Variants in FER observed in about 807,000 individuals in gnomAD.
FER encodes FER tyrosine kinase.
FER carries 63 observed loss-of-function variants against 111.0 expected under a neutral mutation model. The observed-to-expected ratio is 0.57, with a 90% CI of 0.46 to 0.70. The LOEUF is 0.70. Ranked by LOEUF, FER falls within the 30% of genes least tolerant of loss-of-function variation. The pLI is 0.00. For missense variants in FER, 914 were observed against 954.0 expected (o/e 0.96, Z 0.55); for synonymous variants, 327 against 313.9 (o/e 1.04, Z -0.44).
At chr5:108,993,587 G>T (rs1160183503) in intron 13 of FER, among the ~76,000 whole-genome samples, 1 of 146,140 alleles carries the variant, frequency 6.8e-6, no homozygotes, top group Non-Finnish European at 1.5e-5. Flanking sequence ...GGGAGAGGGA[G>T]AGGGAGAGGG....
At chr5:109,100,250 T>C (rs776824119) in intron 16 of FER, 146 bp from the exon 17 acceptor site, 3 of 794,802 alleles carry the variant, frequency 3.8e-6, no homozygotes, top group Non-Finnish European at 4.0e-6. Context: ...TTTTCTGTTA[T>C]CCTCACGTCA....
At chr5:108,799,468 T>G (rs2150047678) in intron 3 of FER, among the ~76,000 whole-genome samples, 1 of 152,314 alleles carries the variant, frequency 6.6e-6, no homozygotes, top group African/African-American at 2.4e-5. Flanking sequence ...TGTGATTCTG[T>G]TAAGAACCCA....
At chr5:108,965,831 C>A (rs919883387) in intron 13 of FER, among the ~76,000 whole-genome samples, 1 of 152,140 alleles carries the variant, frequency 6.6e-6, no homozygotes, top group African/African-American at 2.4e-5. Flanking sequence ...CTAGCAGAGA[C>A]TATAAGCGTG....
chr5:108,835,234 T>C (rs1020510241), intron 4 of FER, among the ~76,000 whole-genome samples: 9 of 115,060 alleles, frequency 7.8e-5, no homozygotes, highest in African/African-American at 3.1e-4. Flanking sequence ...CAGGCTGGAG[T>C]GCAGTGGTGT....
intron 3 of FER, among the ~76,000 whole-genome samples, chr5:108,825,389 A>G (rs955686920): frequency 6.6e-6 from 1 of 152,230 alleles, no homozygotes; most frequent in African/African-American, 2.4e-5. Context: ...GAATTCAGCA[A>G]TATTTCTCCC....
intron 16 of FER, among the ~76,000 whole-genome samples, chr5:109,061,690 C>T (rs1774435196): frequency 6.6e-6 from 1 of 152,138 alleles, no homozygotes; most frequent in Non-Finnish European, 1.5e-5. Context: ...TAGCTCGTTT[C>T]AGTAAACAGG....
At chr5:109,020,155 A>G (rs927478912) in intron 13 of FER, among the ~76,000 whole-genome samples, 1 of 151,492 alleles carries the variant, frequency 6.6e-6, no homozygotes, top group Non-Finnish European at 1.5e-5. Flanking sequence ...AAATATTCTT[A>G]AATTGCTTAA....
intron 17 of FER, among the ~76,000 whole-genome samples, chr5:109,161,194 A>G (rs1240510293): frequency 6.6e-6 from 1 of 152,148 alleles, no homozygotes; most frequent in Non-Finnish European, 1.5e-5. Context: ...ATCCTTTTCA[A>G]ATAGTGTCTG....
intron 13 of FER, among the ~76,000 whole-genome samples, chr5:108,993,267 G>A (rs1034869747): frequency 2.6e-5 from 4 of 152,252 alleles, no homozygotes; most frequent in Non-Finnish European, 5.9e-5. Flanking sequence ...CTGAGTGAAC[G>A]AGACTCTGTC....
chr5:108,790,320 ACT>A (rs1368825333), intron 2 of FER, among the ~76,000 whole-genome samples: 1 of 150,774 alleles, frequency 6.6e-6, no homozygotes, highest in African/African-American at 2.4e-5. Context: ...TATTTGGAAA[ACT>A]CTAATTTTTA....
chr5:109,091,004 C>G (rs1778106631), intron 16 of FER, among the ~76,000 whole-genome samples: 1 of 152,036 alleles, frequency 6.6e-6, no homozygotes, highest in South Asian at 2.1e-4. Context: ...AATTTGTAAT[C>G]AAAAGGGGAA....
At chr5:108,930,834 G>C (rs541739124) in intron 10 of FER, among the ~76,000 whole-genome samples, 2 of 151,328 alleles carry the variant, frequency 1.3e-5, no homozygotes, top group African/African-American at 2.4e-5. Flanking sequence ...GACTGGGCTC[G>C]AACTCCTAAC....
chr5:108,897,548 C>A, intron 9 of FER, 111 bp from the exon 10 acceptor site: 1 of 761,960 alleles, frequency 1.3e-6, no homozygotes, highest in Non-Finnish European at 1.9e-6. Flanking sequence ...TTTTATGATT[C>A]TAAAGGGCTC....
At chr5:109,012,850 A>G (rs538181644) in intron 13 of FER, among the ~76,000 whole-genome samples, 3 of 152,312 alleles carry the variant, frequency 2.0e-5, no homozygotes, top group South Asian at 4.1e-4. Context: ...AATATGATGA[A>G]TAATGAAATA....
At chr5:109,157,496 G>T (rs993219195) in intron 17 of FER, among the ~76,000 whole-genome samples, 1 of 151,190 alleles carries the variant, frequency 6.6e-6, no homozygotes. Context: ...TGTTTTATTC[G>T]ATCACTGGCG....
intron 10 of FER, among the ~76,000 whole-genome samples, chr5:108,927,252 C>CTGTTTTTT (rs1753876891): frequency 1.0e-5 from 1 of 95,254 alleles, no homozygotes. Flanking sequence ...AGAAGTGGCT[C>CTGTTTTTT]TTTTTTTTTT....
chr5:108,940,271 T>G (rs1328091394), intron 10 of FER, among the ~76,000 whole-genome samples: 2 of 152,118 alleles, frequency 1.3e-5, no homozygotes, highest in African/African-American at 4.8e-5. Flanking sequence ...TTTTAGTGAA[T>G]AACCATAAAA....
chr5:108,980,090 A>G (rs923607508), intron 13 of FER, among the ~76,000 whole-genome samples: 1 of 152,142 alleles, frequency 6.6e-6, no homozygotes, highest in Non-Finnish European at 1.5e-5. Flanking sequence ...AATTGTTTCA[A>G]TGAGGATGAG....
At chr5:108,768,529 A>G (rs1421016276) in intron 2 of FER, among the ~76,000 whole-genome samples, 1 of 152,112 alleles carries the variant, frequency 6.6e-6, no homozygotes, top group African/African-American at 2.4e-5. Context: ...TATATTTTCA[A>G]CCATTTGGCA....
Sources: allele counts gnomAD v4.1 joint callset (sites outside exome capture counted in the v4.1 genomes callset), GRCh38; gene constraint gnomAD v4.1.1; transcripts MANE v1.5; gene names NCBI Gene and HGNC (gene_info 2026-07-23, HGNC 2026-07-21).